The following EDC3 variants were observed in gnomAD, a reference collection of about 807,000 sequenced individuals.
The protein encoded by EDC3 is enhancer of mRNA decapping 3.
In EDC3, 20 loss-of-function variants were observed where a neutral mutation model predicts 41.8. The ratio of observed to expected loss-of-function variants is 0.48; its 90% CI spans 0.34 to 0.70. The LOEUF is 0.70. Among genes scored for constraint, EDC3 ranks in the 30% least tolerant of loss-of-function variants. The pLI is 0.01. For synonymous variants in EDC3, 206 were observed against 243.2 expected (o/e 0.85, Z 1.42); for missense variants, 444 against 636.8 (o/e 0.70, Z 3.26).
At chr15:74,651,285 C>T (rs2062477315) in intron 4 of EDC3, among the ~76,000 whole-genome samples, 1 of 152,216 alleles carries the variant, frequency 6.6e-6, no homozygotes, top group Non-Finnish European at 1.5e-5. Context: ...CAGGCCCAAG[C>T]TAGAGAAATG....
At chr15:74,691,357 T>C (rs1329420045) in intron 1 of EDC3, among the ~76,000 whole-genome samples, 5 of 152,194 alleles carry the variant, frequency 3.3e-5, no homozygotes, top group Non-Finnish European at 7.3e-5. Context: ...CTATATGGAT[T>C]ATTTTAAGAT....
intron 1 of EDC3, among the ~76,000 whole-genome samples, chr15:74,682,703 G>C (rs1167628795): frequency 6.6e-6 from 1 of 151,040 alleles, no homozygotes; most frequent in Non-Finnish European, 1.5e-5. Flanking sequence ...TTATCCCAGA[G>C]AAAGGAAGAC....
At chr15:74,673,681 A>G (rs1450949182) in intron 2 of EDC3, among the ~76,000 whole-genome samples, 1 of 152,098 alleles carries the variant, frequency 6.6e-6, no homozygotes, top group African/African-American at 2.4e-5. Context: ...CTAAAAATAT[A>G]AAAACAAAAT....
chr15:74,652,470 C>T (rs976806524), intron 4 of EDC3, among the ~76,000 whole-genome samples: 6 of 151,820 alleles, frequency 4.0e-5, no homozygotes, highest in African/African-American at 1.5e-4. Context: ...CCTCGTGATC[C>T]ACACGCCTCA....
At chr15:74,690,153 G>C (rs1343139756) in intron 1 of EDC3, among the ~76,000 whole-genome samples, 1 of 152,098 alleles carries the variant, frequency 6.6e-6, no homozygotes, top group East Asian at 1.9e-4. Context: ...CACTTATTTT[G>C]CCAACTTGTT....
At chr15:74,666,561 G>A (rs2062678772) in intron 3 of EDC3, among the ~76,000 whole-genome samples, 2 of 152,166 alleles carry the variant, frequency 1.3e-5, no homozygotes, top group Admixed American at 6.5e-5. Context: ...AATCTTAAAT[G>A]CATCTTGCTA....
At chr15:74,663,300 A>C (rs1372290794) in intron 3 of EDC3, among the ~76,000 whole-genome samples, 3 of 152,066 alleles carry the variant, frequency 2.0e-5, no homozygotes, top group Non-Finnish European at 4.4e-5. Flanking sequence ...AAAATAAATA[A>C]ATAAATAAAA....
intron 1 of EDC3, among the ~76,000 whole-genome samples, chr15:74,682,990 C>T (rs1242737112): frequency 6.6e-6 from 1 of 151,948 alleles, no homozygotes; most frequent in African/African-American, 2.4e-5. Flanking sequence ...CCACTGCACT[C>T]CATTCTGGGC....
intron 3 of EDC3, among the ~76,000 whole-genome samples, chr15:74,667,946 G>A (rs923635184): frequency 3.3e-5 from 5 of 152,090 alleles, no homozygotes. Flanking sequence ...ACTTTACAGA[G>A]GAGAAACTAG....
chr15:74,668,081 A>G (rs2062697303), intron 3 of EDC3, among the ~76,000 whole-genome samples: 2 of 152,206 alleles, frequency 1.3e-5, no homozygotes, highest in South Asian at 4.1e-4. Context: ...CCACCCCCAA[A>G]CATATAACCC....
At chr15:74,652,372 C>T (rs1286772973) in intron 4 of EDC3, among the ~76,000 whole-genome samples, 13 of 151,966 alleles carry the variant, frequency 8.6e-5, no homozygotes, top group Admixed American at 5.9e-4. Flanking sequence ...GGACTACAGG[C>T]GCCCACCACC....
intron 4 of EDC3, among the ~76,000 whole-genome samples, chr15:74,647,835 G>A (rs2062434370): frequency 6.6e-6 from 1 of 152,248 alleles, no homozygotes; most frequent in African/African-American, 2.4e-5. Flanking sequence ...TCAGTGAAAA[G>A]TTGTGACACT....
In EDC3 at chr15:74,631,409, A is replaced by G. The variant is rs952110373; in HGVS notation, c.*1203T>C. ...CAGCCTCCAGGGCCTAGAGCTTGGCACCTTAGGATTTGAGCATCAGTGTGT... is the reference window on the plus strand; with the variant it reads ...CAGCCTCCAGGGCCTAGAGCTTGGCGCCTTAGGATTTGAGCATCAGTGTGT... On this transcript the variant is annotated 3_prime_UTR_variant, in exon 7 of 7. Transcript: ENST00000315127. The G allele has an allele frequency of 1.3e-5, 2 of 152,192 alleles. No homozygotes were observed. Among genetic ancestry groups the G allele is most frequent in the African/African-American group, 4.8e-5 (2 of 41,442 alleles). The allele number at this position is 152,192 out of a possible 1,614,324, so 9.4% of individuals were successfully genotyped here.
At chr15:74,667,339 C>T (rs866954085) in intron 3 of EDC3, among the ~76,000 whole-genome samples, 6 of 151,612 alleles carry the variant, frequency 4.0e-5, no homozygotes, top group Middle Eastern at 3.4e-3. Flanking sequence ...TTTCTGTGAA[C>T]TCTGCAGAGA....
At chr15:74,648,908 G>A (rs1325590819) in intron 4 of EDC3, among the ~76,000 whole-genome samples, 1 of 152,082 alleles carries the variant, frequency 6.6e-6, no homozygotes. Context: ...ACAACAGAGG[G>A]AAGGAAGAAT....
At chr15:74,650,455 T>C (rs959457264) in intron 4 of EDC3, among the ~76,000 whole-genome samples, 8 of 152,170 alleles carry the variant, frequency 5.3e-5, no homozygotes, top group Non-Finnish European at 8.8e-5. Context: ...ATCCTGCCCA[T>C]GTTTCAAGGC....
In EDC3 at chr15:74,667,289, G is replaced by GTA. The variant is rs754057213; in HGVS notation, c.484+4164_484+4165dup. ...GTTACATATAGAAATATTTAAATAT[G>GTA]TATATATATGCTGGTTAAATATACA... is the stretch of plus-strand genomic sequence containing the variant. On this transcript the variant is annotated intron_variant, in intron 3 of 6. Transcript: ENST00000315127. 1.0e-3 allele frequency among the ~76,000 whole-genome samples: 156 copies of GTA among 152,024 alleles called. No individual in the cohort carries two copies. The Middle Eastern group carries it at 0.017, about 17-fold the overall frequency.
At chr15:74,686,482 C>T (rs1480380840) in intron 1 of EDC3, among the ~76,000 whole-genome samples, 1 of 150,448 alleles carries the variant, frequency 6.6e-6, no homozygotes, top group African/African-American at 2.4e-5. Context: ...AACAAGACTC[C>T]ATCTCAAAAA....
chr15:74,690,078 T>C (rs1466047399), intron 1 of EDC3, among the ~76,000 whole-genome samples: 1 of 152,216 alleles, frequency 6.6e-6, no homozygotes, highest in Non-Finnish European at 1.5e-5. Context: ...CTAATTTTTC[T>C]GTGTAGTATT....
Sources: allele counts gnomAD v4.1 joint callset (sites outside exome capture counted in the v4.1 genomes callset), GRCh38; gene constraint gnomAD v4.1.1; transcripts MANE v1.5; gene names NCBI Gene and HGNC (gene_info 2026-07-23, HGNC 2026-07-21).